PDE4D: variants seen among roughly 807,000 people sequenced by gnomAD.
PDE4D encodes 3',5'-cyclic-AMP phosphodiesterase 4D.
Under a neutral mutation model 87.4 loss-of-function variants are expected in PDE4D, and 24 were observed. That is an observed-to-expected ratio of 0.27 (90% CI 0.20 to 0.39). The LOEUF (loss-of-function observed/expected upper bound fraction) is 0.39, where lower values mean the gene tolerates loss of function less well. Among genes scored for constraint, PDE4D ranks in the 10% least tolerant of loss-of-function variants. PDE4D has a pLI of 1.00. For missense variants in PDE4D, 714 were observed against 1,041.0 expected (o/e 0.69, Z 4.32); for synonymous variants, 384 against 383.2 (o/e 1.00, Z -0.02).
intron 1 of PDE4D, among the ~76,000 whole-genome samples, chr5:59,585,183 T>C (rs1824907905): frequency 6.6e-6 from 1 of 152,210 alleles, no homozygotes; most frequent in African/African-American, 2.4e-5. Flanking sequence ...GGATCTGGTG[T>C]TGTTAGAAAA....
chr5:59,129,467 C>A (rs1052723528), intron 5 of PDE4D, among the ~76,000 whole-genome samples: 8 of 152,106 alleles, frequency 5.3e-5, no homozygotes, highest in Admixed American at 2.0e-4. Context: ...ATCTGGGTTC[C>A]AAATGTATGA....
chr5:59,972,591 C>T (rs1255559548), intron 3 of PDE4D, among the ~76,000 whole-genome samples: 2 of 152,188 alleles, frequency 1.3e-5, no homozygotes, highest in Admixed American at 6.5e-5. Context: ...ATGCTGAGCA[C>T]ATGGAGACCA....
At chr5:59,693,543 C>A (rs1368015767) in intron 1 of PDE4D, among the ~76,000 whole-genome samples, 2 of 152,110 alleles carry the variant, frequency 1.3e-5, no homozygotes, top group African/African-American at 2.4e-5. Flanking sequence ...ACAAATGGAA[C>A]TTTTACAGCA....
At chr5:59,036,533 C>T (rs919866189) in intron 6 of PDE4D, among the ~76,000 whole-genome samples, 2 of 152,182 alleles carry the variant, frequency 1.3e-5, no homozygotes, top group South Asian at 2.1e-4. Context: ...AGGGGCCTTC[C>T]GATCAGCTGC....
chr5:60,219,358 T>C lies in PDE4D; in HGVS notation c.-89-33671A>G, dbSNP rs77918473. Among the ~76,000 whole-genome samples the C allele has an allele frequency of 8.2e-3, 1,256 of 152,294 alleles. 20 individuals carry two copies. Among genetic ancestry groups the C allele is most frequent in the African/African-American group, 0.029 (1,216 of 41,560 alleles). On this transcript the variant is annotated intron_variant, in intron 1 of 16. Coordinates refer to the PDE4D transcript ENST00000502484. ...CTACTGGAATAATCTGTTTTATGTTTGTTTCACTGACATAATCTAGTAGCT... is the reference window on the plus strand; with the variant it reads ...CTACTGGAATAATCTGTTTTATGTTCGTTTCACTGACATAATCTAGTAGCT...
At chr5:59,341,697 G>T (rs73092947) in intron 1 of PDE4D, among the ~76,000 whole-genome samples, 1 of 152,098 alleles carries the variant, frequency 6.6e-6, no homozygotes, top group African/African-American at 2.4e-5. Flanking sequence ...TATGCATGGC[G>T]TAACTCCTAT....
At chr5:59,541,651 C>T (rs540955513) in intron 1 of PDE4D, among the ~76,000 whole-genome samples, 6 of 152,162 alleles carry the variant, frequency 3.9e-5, no homozygotes, top group Non-Finnish European at 8.8e-5. Context: ...AAGCACATGG[C>T]CTTATAAAAG....
chr5:59,733,028 G>A (rs1047605915), intron 1 of PDE4D, among the ~76,000 whole-genome samples: 2 of 152,054 alleles, frequency 1.3e-5, no homozygotes, highest in African/African-American at 4.8e-5. Flanking sequence ...GCTAGAAATT[G>A]CACAATGGAG....
intron 1 of PDE4D, among the ~76,000 whole-genome samples, chr5:60,501,882 A>C (rs1750096907): frequency 6.6e-6 from 1 of 151,886 alleles, no homozygotes; most frequent in Non-Finnish European, 1.5e-5. Flanking sequence ...GTTCGAGTTC[A>C]TTGTAGATTC....
intron 1 of PDE4D, among the ~76,000 whole-genome samples, chr5:59,819,907 G>A (rs1769437480): frequency 6.6e-6 from 1 of 152,168 alleles, no homozygotes; most frequent in South Asian, 2.1e-4. Context: ...AGACAACAGA[G>A]GCGTTTTGAA....
intron 1 of PDE4D, among the ~76,000 whole-genome samples, chr5:59,617,966 C>T (rs1280997841): frequency 6.6e-6 from 1 of 152,136 alleles, no homozygotes; most frequent in Non-Finnish European, 1.5e-5. Flanking sequence ...TTTTCAACTA[C>T]TGACTTTCCC....
chr5:60,296,825 G>T (rs970905227), intron 1 of PDE4D, among the ~76,000 whole-genome samples: 27 of 152,092 alleles, frequency 1.8e-4, no homozygotes, highest in Non-Finnish European at 5.9e-5. Context: ...ATCATTCTCA[G>T]CAAACTAATA....
intron 1 of PDE4D, among the ~76,000 whole-genome samples, chr5:59,261,659 T>C (rs1201590230): frequency 6.6e-6 from 1 of 151,852 alleles, no homozygotes; most frequent in Non-Finnish European, 1.5e-5. Flanking sequence ...CTTTTTGTGT[T>C]CCCTCTCTAC....
intron 1 of PDE4D, chr5:59,430,272 T>C (rs1029265158): frequency 2.8e-5 from 35 of 1,230,734 alleles, no homozygotes; most frequent in Non-Finnish European, 3.3e-5. Context: ...GACAAACAAC[T>C]AGAGGAAAGG....
At chr5:59,315,259 C>T (rs1773481326) in intron 1 of PDE4D, among the ~76,000 whole-genome samples, 1 of 152,150 alleles carries the variant, frequency 6.6e-6, no homozygotes, top group Non-Finnish European at 1.5e-5. Flanking sequence ...TATCTACCTC[C>T]CTACCCAAAT....
chr5:59,098,774 T>C (rs1263952134), intron 5 of PDE4D, among the ~76,000 whole-genome samples: 1 of 150,876 alleles, frequency 6.6e-6, no homozygotes, highest in Non-Finnish European at 1.5e-5. Flanking sequence ...AAGGTTGGAA[T>C]GGTGACACCA....
intron 3 of PDE4D, among the ~76,000 whole-genome samples, chr5:59,931,869 T>C (rs147860761): frequency 0.016 from 2,436 of 152,072 alleles, 76 homozygotes; most frequent in African/African-American, 0.053. Flanking sequence ...ACCCGGCTAA[T>C]TTTTTGTGAT....
At chr5:60,047,516 T>C (rs889299923) in intron 2 of PDE4D, among the ~76,000 whole-genome samples, 5 of 152,210 alleles carry the variant, frequency 3.3e-5, no homozygotes, top group African/African-American at 1.2e-4. Flanking sequence ...GTGCTATAAA[T>C]TTCCCTCTAC....
intron 2 of PDE4D, among the ~76,000 whole-genome samples, chr5:60,106,370 G>A (rs1300685837): frequency 6.6e-6 from 1 of 151,232 alleles, no homozygotes. Flanking sequence ...AGTCCTGAGT[G>A]ACCTACAAAG....
Sources: allele counts gnomAD v4.1 joint callset (sites outside exome capture counted in the v4.1 genomes callset), GRCh38; gene constraint gnomAD v4.1.1; transcripts MANE v1.5; gene names NCBI Gene and HGNC (gene_info 2026-07-23, HGNC 2026-07-21).